The following MTA3 variants were observed in gnomAD, a reference collection of about 807,000 sequenced individuals.
MTA3 encodes metastasis associated 1 family member 3.
In MTA3, 34 loss-of-function variants were observed where a neutral mutation model predicts 83.5. The ratio of observed to expected loss-of-function variants is 0.41; its 90% CI spans 0.31 to 0.54. The LOEUF (loss-of-function observed/expected upper bound fraction) is 0.54, where lower values mean the gene tolerates loss of function less well. Ranked by LOEUF, MTA3 falls within the 20% of genes least tolerant of loss-of-function variation. The probability of loss-of-function intolerance (pLI) is 0.33; values close to 1 mark genes in which losing one functional copy is unlikely to be tolerated. For missense variants in MTA3, 761 were observed against 726.4 expected (o/e 1.05, Z -0.55); for synonymous variants, 303 against 252.7 (o/e 1.20, Z -1.89).
intron 2 of MTA3, among the ~76,000 whole-genome samples, chr2:42,497,512 G>C (rs1230228867): frequency 6.6e-6 from 1 of 151,782 alleles, no homozygotes; most frequent in Non-Finnish European, 1.5e-5. Flanking sequence ...TTGAACCCGG[G>C]AGGCAGAAGT....
chr2:42,744,342 C>A (rs1466880558), intron 16 of MTA3, among the ~76,000 whole-genome samples: 1 of 152,192 alleles, frequency 6.6e-6, no homozygotes, highest in East Asian at 1.9e-4. Flanking sequence ...CACAGCTTCT[C>A]CCAGAGAGTA....
intron 2 of MTA3, among the ~76,000 whole-genome samples, chr2:42,563,496 C>G (rs1486605312): frequency 6.6e-5 from 10 of 152,072 alleles, no homozygotes; most frequent in Middle Eastern, 3.2e-3. Flanking sequence ...GAGACGAAGT[C>G]TCACTTTTCG....
At position 42,667,571 on chromosome 2, in the gene MTA3, T is replaced by TAC. The variant is rs139519426; in HGVS notation, c.702+7709_702+7710insAC. On this transcript the variant is annotated intron_variant, in intron 8 of 16. Coordinates refer to ENST00000405094, the MANE Select transcript of MTA3 (RefSeq NM_001330442.2). ...GTCAGAATTTCCATCATTTAAAAATTGTGTGTGTGTGTGTGTGTGTGTGTG... is the reference window on the plus strand; with the variant it reads ...GTCAGAATTTCCATCATTTAAAAATTACGTGTGTGTGTGTGTGTGTGTGTGTG... Among the ~76,000 whole-genome samples, 5 of 2,730 alleles carry TAC rather than the reference T, an allele frequency of 1.8e-3. No individual in the cohort carries two copies. The African/African-American group carries it at 0.028, about 16-fold the overall frequency. The allele number at this position is 2,730 out of a possible 152,430, so 1.8% of individuals were successfully genotyped here.
At chr2:42,575,675 A>G (rs1678959721) in intron 2 of MTA3, among the ~76,000 whole-genome samples, 1 of 152,236 alleles carries the variant, frequency 6.6e-6, no homozygotes, top group African/African-American at 2.4e-5. Context: ...CTGGAAACCT[A>G]ACCCAGGATT....
At position 42,568,721 on chromosome 2, in the gene MTA3, G is replaced by C. The variant is rs778551758; in HGVS notation, c.-25G>C. The C allele has an allele frequency of 3.5e-4, 421 of 1,211,874 alleles. No individual in the cohort carries two copies. Among genetic ancestry groups the C allele is most frequent in the Middle Eastern group, 9.5e-4 (3 of 3,142 alleles). 75.1% of individuals were successfully genotyped at this position (1,211,874 alleles called of 1,614,324 possible). On this transcript the variant is annotated 5_prime_UTR_variant, in exon 1 of 17. Transcript: ENST00000405094. ...GGCGGCGGCGGGCGGGGCTCGGCTC[G>C]GGCTCCGCGGGCGGGCGGGCGGACA...
At chr2:42,649,744 A>G (rs1688534950) in intron 6 of MTA3, among the ~76,000 whole-genome samples, 1 of 152,188 alleles carries the variant, frequency 6.6e-6, no homozygotes, top group African/African-American at 2.4e-5. Flanking sequence ...CTTTATGGGA[A>G]GCTTTGAGTT....
At chr2:42,572,715 C>CTTTTG (rs937461411) in intron 2 of MTA3, among the ~76,000 whole-genome samples, 1 of 151,966 alleles carries the variant, frequency 6.6e-6, no homozygotes, top group South Asian at 2.1e-4. Context: ...GGAGAAGAAA[C>CTTTTG]TTTTGTTTTG....
At chr2:42,673,088 C>G (rs1343859673) in intron 8 of MTA3, among the ~76,000 whole-genome samples, 2 of 151,066 alleles carry the variant, frequency 1.3e-5, no homozygotes, top group African/African-American at 2.4e-5. Context: ...CTCAAGTGAT[C>G]CACCCCCGCC....
chr2:42,577,698 C>T (rs893250155), intron 2 of MTA3, among the ~76,000 whole-genome samples: 1 of 152,106 alleles, frequency 6.6e-6, no homozygotes, highest in African/African-American at 2.4e-5. Context: ...CCAGGCTGGT[C>T]TAGAACTCCT....
chr2:42,508,104 G>A (rs7594718), intron 2 of MTA3, among the ~76,000 whole-genome samples: 1,751 of 152,152 alleles, frequency 0.012, 29 homozygotes, highest in African/African-American at 0.04. Flanking sequence ...TGTTCCCTCT[G>A]CCTAGAGCAC....
chr2:42,496,944 G>T lies in MTA3; in HGVS notation c.-141+1690G>T, dbSNP rs556831471. Among the ~76,000 whole-genome samples, 9 of 152,246 alleles carry T rather than the reference G, an allele frequency of 5.9e-5. No individual in the cohort carries two copies. The South Asian group carries it at 1.9e-3, about 32-fold the overall frequency. On this transcript the variant is annotated intron_variant, in intron 2 of 17. Coordinates refer to the MTA3 transcript ENST00000405592. ...AAGGTGGCTGGGTGTGGTGGCTCAC[G>T]CCTGTAATCTCAGCACTTTGGAAGG... is the stretch of plus-strand genomic sequence containing the variant.
chr2:42,547,284 G>C (rs1676800557), intron 2 of MTA3, among the ~76,000 whole-genome samples: 2 of 152,188 alleles, frequency 1.3e-5, no homozygotes, highest in African/African-American at 4.8e-5. Flanking sequence ...AACAGAAATA[G>C]GACGTGAGGT....
chr2:42,666,123 A>C (rs1354772874), intron 8 of MTA3, among the ~76,000 whole-genome samples: 1 of 152,040 alleles, frequency 6.6e-6, no homozygotes, highest in South Asian at 2.1e-4. Context: ...TAAAAATACA[A>C]AAAATTAGCT....
chr2:42,723,064 G>C (rs1195237750), intron 16 of MTA3, 29 bp downstream of exon 16: 2 of 1,548,214 alleles, frequency 1.3e-6, no homozygotes, highest in Admixed American at 2.0e-5. Context: ...TCTGGAGGCT[G>C]TTCTGATAGA....
chr2:42,739,801 C>T (rs538960758), intron 16 of MTA3, among the ~76,000 whole-genome samples: 1 of 152,196 alleles, frequency 6.6e-6, no homozygotes, highest in African/African-American at 2.4e-5. Context: ...ATGTTCACAG[C>T]GTGTTCAGGA....
rs1667237243 is a variant in MTA3, at chr2:42,719,211, T to G, written c.1612+137T>G. On this transcript the variant is annotated intron_variant, in intron 15 of 16. Transcript: ENST00000405094. ...AAATTGGATACCTTTATATAGTCAGTTTATTTTGTTTCAGAAACTTTTATT... is the reference window on the plus strand; with the variant it reads ...AAATTGGATACCTTTATATAGTCAGGTTATTTTGTTTCAGAAACTTTTATT... 4.9e-6 allele frequency: 3 copies of G among 606,592 alleles called. No homozygotes were observed. The Admixed American group carries it at 8.7e-5, about 18-fold the overall frequency. 37.6% of individuals were successfully genotyped at this position (606,592 alleles called of 1,614,324 possible).
chr2:42,726,504 A>G, intron 16 of MTA3, among the ~76,000 whole-genome samples: 1 of 145,768 alleles, frequency 6.9e-6, no homozygotes, highest in South Asian at 2.2e-4. Flanking sequence ...ATCCCTCCCC[A>G]CTCCCCCCAA....
chr2:42,754,202 G>T lies in MTA3; in HGVS notation c.*803G>T. ...CACTGTGACAAGCCGTTTGCTTACT[G>T]CCCTGTTCCCTTGCAGCCAAACCAG... On this transcript the variant is annotated 3_prime_UTR_variant, in exon 17 of 17. Coordinates refer to ENST00000405094, the MANE Select transcript of MTA3 (RefSeq NM_001330442.2). 2.0e-6 allele frequency: 2 copies of T among 985,504 alleles called. No homozygotes were observed. The highest frequency in any genetic ancestry group is 9.4e-5 in the South Asian group (2 of 21,292). The allele number at this position is 985,504 out of a possible 1,614,324, so 61.0% of individuals were successfully genotyped here. A position where few individuals can be genotyped will look rare whatever the true frequency, so the allele number is the denominator to read the frequency against.
chr2:42,664,549 C>T (rs376308158), intron 8 of MTA3, among the ~76,000 whole-genome samples: 10 of 131,498 alleles, frequency 7.6e-5, no homozygotes, highest in African/African-American at 2.3e-4. Flanking sequence ...TCTTGGCTCA[C>T]TGCAACCTCT....
Sources: gnomAD v4.1 joint callset for allele counts (sites outside exome capture counted in the v4.1 genomes callset) on GRCh38, gnomAD v4.1.1 for gene constraint, MANE v1.5 for transcripts, NCBI Gene and HGNC (gene_info 2026-07-23, HGNC 2026-07-21) for gene names.